DNAJC1: variants seen among roughly 807,000 people sequenced by gnomAD.
The protein encoded by DNAJC1 is dnaJ homolog subfamily C member 1.
A neutral mutation model predicts 76.6 loss-of-function variants in DNAJC1; 58 were observed. That is an observed-to-expected ratio of 0.76 (90% CI 0.61 to 0.94). The LOEUF (loss-of-function observed/expected upper bound fraction) is 0.94. Among genes scored for constraint, DNAJC1 ranks in the 40% least tolerant of loss-of-function variants. DNAJC1 has a pLI of 0.00. For synonymous variants in DNAJC1, 258 were observed against 267.9 expected (o/e 0.96, Z 0.36); for missense variants, 689 against 677.3 (o/e 1.02, Z -0.19).
intron 1 of DNAJC1, among the ~76,000 whole-genome samples, chr10:21,954,613 C>T (rs1445058374): frequency 6.6e-6 from 1 of 152,060 alleles, no homozygotes; most frequent in African/African-American, 2.4e-5. Flanking sequence ...TTAGAAACTC[C>T]CCCAAATTAC....
chr10:21,961,825 C>T (rs1488125936), intron 1 of DNAJC1, among the ~76,000 whole-genome samples: 2 of 152,174 alleles, frequency 1.3e-5, no homozygotes, highest in Non-Finnish European at 2.9e-5. Context: ...TCTGAAGTCA[C>T]TGGGACCTGA....
rs80032012 is a variant in DNAJC1 at position 21,868,714 on chromosome 10, A to C, written c.978+13568T>G. Among the ~76,000 whole-genome samples the C allele has an allele frequency of 1.8e-4, 27 of 152,130 alleles. No individual in the cohort carries two copies. In the East Asian group the frequency reaches 5.0e-3, roughly 28 times the overall value. On this transcript the variant is annotated intron_variant, in intron 8 of 11. Coordinates refer to ENST00000376980, the MANE Select transcript of DNAJC1 (RefSeq NM_022365.4). ...GAGTAGGGGATAGGTATGTAAACCA[A>C]AACTAAAATTTGAAGCTCCCCAAAC... is the stretch of plus-strand genomic sequence containing the variant.
rs79936170 is a variant in DNAJC1 at position 21,805,374 on chromosome 10, A to C, written c.1098+606T>G. On this transcript the variant is annotated intron_variant, in intron 9 of 11. Transcript: ENST00000376980. ...TTCTGCTCTAAATTTCCTCAATAAA[A>C]GCATCTAAAGCATTAAGTCAAAACC... Among the ~76,000 whole-genome samples, 1,384 of 152,020 alleles carry C rather than the reference A, an allele frequency of 9.1e-3. 17 individuals carry two copies. Among genetic ancestry groups the C allele is most frequent in the African/African-American group, 0.031 (1,272 of 41,460 alleles).
intron 1 of DNAJC1, among the ~76,000 whole-genome samples, chr10:21,946,888 A>C (rs1336093158): frequency 6.6e-6 from 1 of 152,122 alleles, no homozygotes; most frequent in African/African-American, 2.4e-5. Flanking sequence ...GGAGGAACCT[A>C]ATGGGAGGTG....
intron 11 of DNAJC1, among the ~76,000 whole-genome samples, chr10:21,757,747 G>A (rs569696366): frequency 3.3e-5 from 5 of 152,326 alleles, no homozygotes; most frequent in African/African-American, 7.2e-5. Context: ...AGCCGTGCAC[G>A]GCAGCCAGGC....
intron 9 of DNAJC1, among the ~76,000 whole-genome samples, chr10:21,774,518 A>T (rs1327752366): frequency 6.6e-6 from 1 of 152,208 alleles, no homozygotes; most frequent in East Asian, 1.9e-4. Context: ...TCTGTCACCT[A>T]GACTGGAGCG....
At chr10:21,832,857 C>G (rs542488426) in intron 8 of DNAJC1, among the ~76,000 whole-genome samples, 1 of 152,206 alleles carries the variant, frequency 6.6e-6, no homozygotes, top group Non-Finnish European at 1.5e-5. Context: ...TTGGCTGCGA[C>G]CTACTTTTAC....
intron 9 of DNAJC1, among the ~76,000 whole-genome samples, chr10:21,781,598 G>A (rs1325256569): frequency 1.3e-5 from 2 of 151,468 alleles, no homozygotes; most frequent in African/African-American, 2.4e-5. Flanking sequence ...GTGGGTGCCT[G>A]TAGTCCCAGC....
chr10:21,847,753 GCTA>G (rs773874992), intron 8 of DNAJC1, among the ~76,000 whole-genome samples: 3 of 152,040 alleles, frequency 2.0e-5, no homozygotes, highest in Non-Finnish European at 4.4e-5. Flanking sequence ...CTATGTTGCT[GCTA>G]CTAACAGAAT....
At chr10:21,908,281 T>C (rs1409787945) in intron 6 of DNAJC1, among the ~76,000 whole-genome samples, 2 of 122,770 alleles carry the variant, frequency 1.6e-5, no homozygotes, top group African/African-American at 6.2e-5. Context: ...TATATATATA[T>C]ATATATAAGA....
intron 1 of DNAJC1, among the ~76,000 whole-genome samples, chr10:21,979,908 C>G (rs1375095543): frequency 6.6e-6 from 1 of 151,930 alleles, no homozygotes; most frequent in Non-Finnish European, 1.5e-5. Context: ...GTCAAAACTG[C>G]ATATGTCTGC....
rs368727865 is a variant in DNAJC1 at position 21,784,660 on chromosome 10, T to A, written c.1099-18351A>T. On this transcript the variant is annotated intron_variant, in intron 9 of 11. Transcript: ENST00000376980. ...GACTTGAAACCAACCCAAATGTCCA[T>A]CAATGATAGACTGGATCAAGAAAAT... 3.9e-5 allele frequency among the ~76,000 whole-genome samples: 6 copies of A among 152,246 alleles called. No homozygotes were observed. The East Asian group carries it at 7.7e-4, about 20-fold the overall frequency.
rs1431927210 is a variant in DNAJC1, at chr10:21,908,255, ATAT to A, written c.730-3646_730-3644del. On this transcript the variant is annotated intron_variant, in intron 6 of 11. Coordinates refer to ENST00000376980, the MANE Select transcript of DNAJC1 (RefSeq NM_022365.4). ...ATAAAATATATATAATATAGAGAAA[ATAT>A]ATATATATATTTTATATATATATAT... Among the ~76,000 whole-genome samples, 240 of 109,432 alleles carry A rather than the reference ATAT, an allele frequency of 2.2e-3. 19 individuals carry two copies. The highest frequency in any genetic ancestry group is 7.9e-3 in the African/African-American group (224 of 28,362). The allele number at this position is 109,432 out of a possible 152,430, so 71.8% of individuals were successfully genotyped here. A position where few individuals can be genotyped will look rare whatever the true frequency, so the allele number is the denominator to read the frequency against.
chr10:21,993,839 C>T (rs1326436603), intron 1 of DNAJC1, among the ~76,000 whole-genome samples: 1 of 152,030 alleles, frequency 6.6e-6, no homozygotes, highest in Non-Finnish European at 1.5e-5. Context: ...TTTCTTCTAG[C>T]TCTATATTTT....
At chr10:21,992,089 T>C (rs1038403722) in intron 1 of DNAJC1, among the ~76,000 whole-genome samples, 1 of 152,224 alleles carries the variant, frequency 6.6e-6, no homozygotes, top group African/African-American at 2.4e-5. Context: ...GGTTGGCGGA[T>C]CGCCTGACAT....
chr10:21,784,459 A>G (rs1309623649), intron 9 of DNAJC1, among the ~76,000 whole-genome samples: 4 of 152,230 alleles, frequency 2.6e-5, no homozygotes, highest in Non-Finnish European at 4.4e-5. Context: ...GGTGGACTGT[A>G]AACTAGATCA....
chr10:21,772,365 A>T (rs1247255466), intron 9 of DNAJC1, among the ~76,000 whole-genome samples: 1 of 128,830 alleles, frequency 7.8e-6, no homozygotes, highest in Non-Finnish European at 1.6e-5. Context: ...ACTTTTCATT[A>T]TGTATAGGTT....
At chr10:21,766,401 C>T in intron 9 of DNAJC1, 92 bp from the exon 10 acceptor site, 2 of 947,780 alleles carry the variant, frequency 2.1e-6, no homozygotes, top group Admixed American at 1.8e-5. Flanking sequence ...TGTGAATGAA[C>T]ACAGTTCATT....
At chr10:21,995,901 G>A (rs147669795) in intron 1 of DNAJC1, among the ~76,000 whole-genome samples, 2 of 152,228 alleles carry the variant, frequency 1.3e-5, no homozygotes, top group African/African-American at 2.4e-5. Flanking sequence ...CTTATGACAC[G>A]CTTAGACAAA....
Sources: allele counts gnomAD v4.1 joint callset (sites outside exome capture counted in the v4.1 genomes callset), GRCh38; gene constraint gnomAD v4.1.1; transcripts MANE v1.5; gene names NCBI Gene and HGNC (gene_info 2026-07-23, HGNC 2026-07-21).